Variants in PRKD1 observed in about 807,000 individuals in gnomAD.
PRKD1 encodes the protein serine/threonine-protein kinase D1.
PRKD1 carries 63 observed loss-of-function variants against 95.9 expected under a neutral mutation model. The ratio of observed to expected loss-of-function variants is 0.66; its 90% CI spans 0.54 to 0.81. The LOEUF is 0.81. PRKD1 is among the 30% of genes least tolerant of loss of function. PRKD1 has a pLI of 0.00. For missense variants in PRKD1, 1,048 were observed against 1,165.3 expected, an observed-to-expected ratio of 0.90 and a Z score of 1.47; for synonymous variants, 425 against 423.1, an observed-to-expected ratio of 1.00 and a Z score of -0.05.
intron 11 of PRKD1, among the ~76,000 whole-genome samples, chr14:29,628,496 G>A (rs1879773842): frequency 1.3e-5 from 2 of 152,150 alleles, no homozygotes; most frequent in South Asian, 4.1e-4. Context: ...AAACTGAGCT[G>A]CAAGGATGGA....
intron 2 of PRKD1, among the ~76,000 whole-genome samples, chr14:29,708,406 A>G (rs1485777264): frequency 6.6e-6 from 1 of 152,238 alleles, no homozygotes; most frequent in Non-Finnish European, 1.5e-5. Context: ...ATAGGTATTA[A>G]GTGCATAAGC....
At position 29,610,872 on chromosome 14, in the gene PRKD1, T is replaced by C. The variant is rs145679674; in HGVS notation, c.1906-11055A>G. Among the ~76,000 whole-genome samples the C allele has an allele frequency of 2.0e-3, 297 of 152,284 alleles. 1 individual carries two copies. The highest frequency in any genetic ancestry group is 5.3e-3 in the African/African-American group (220 of 41,570). ...AAAAAACTTGGGGGAAACTTAAATG[T>C]ACATTACTAAGTGAAAGAAAGCAAC... On this transcript the variant is annotated intron_variant, in intron 13 of 17. Coordinates refer to ENST00000331968, the MANE Select transcript of PRKD1 (RefSeq NM_002742.3).
chr14:29,849,593 A>T (rs545875319), intron 1 of PRKD1, among the ~76,000 whole-genome samples: 1 of 151,938 alleles, frequency 6.6e-6, no homozygotes, highest in African/African-American at 2.4e-5. Flanking sequence ...AAAAACTACC[A>T]ATCAGAAAAC....
chr14:29,608,467 AG>A (rs1381292881), intron 13 of PRKD1, among the ~76,000 whole-genome samples: 1 of 152,178 alleles, frequency 6.6e-6, no homozygotes, highest in African/African-American at 2.4e-5. Context: ...GATGAATGAA[AG>A]GGAATGGGAA....
intron 1 of PRKD1, among the ~76,000 whole-genome samples, chr14:29,844,825 G>A (rs750315830): frequency 2.6e-5 from 4 of 152,086 alleles, no homozygotes; most frequent in Non-Finnish European, 5.9e-5. Flanking sequence ...TACTCATTCT[G>A]CCACCATGGT....
At chr14:29,708,582 G>A (rs1885194172) in intron 2 of PRKD1, among the ~76,000 whole-genome samples, 1 of 152,138 alleles carries the variant, frequency 6.6e-6, no homozygotes, top group African/African-American at 2.4e-5. Context: ...TCTTTAGGCT[G>A]GGCGCACTGG....
intron 1 of PRKD1, among the ~76,000 whole-genome samples, chr14:29,752,173 T>C (rs980862602): frequency 2.6e-5 from 4 of 152,208 alleles, no homozygotes; most frequent in African/African-American, 9.6e-5. Context: ...CTATACAGAA[T>C]TTACAATAAA....
At chr14:29,747,465 C>G (rs912846766) in intron 1 of PRKD1, among the ~76,000 whole-genome samples, 4 of 152,086 alleles carry the variant, frequency 2.6e-5, no homozygotes, top group Non-Finnish European at 5.9e-5. Context: ...CTCAAAAGAA[C>G]TAAAGACAGG....
At chr14:29,851,905 A>T (rs1264655060) in intron 1 of PRKD1, among the ~76,000 whole-genome samples, 1 of 152,168 alleles carries the variant, frequency 6.6e-6, no homozygotes, top group Non-Finnish European at 1.5e-5. Flanking sequence ...CAGCCATAAA[A>T]AAGAACAAAA....
At chr14:29,758,894 C>T (rs1887836910) in intron 1 of PRKD1, among the ~76,000 whole-genome samples, 1 of 152,188 alleles carries the variant, frequency 6.6e-6, no homozygotes, top group African/African-American at 2.4e-5. Flanking sequence ...AGTTATTTTC[C>T]ATACTGCAAA....
intron 1 of PRKD1, among the ~76,000 whole-genome samples, chr14:29,817,784 C>T (rs1890750717): frequency 6.6e-6 from 1 of 152,082 alleles, no homozygotes; most frequent in Non-Finnish European, 1.5e-5. Flanking sequence ...CCTAATTCTT[C>T]TTATAAATTC....
intron 4 of PRKD1, among the ~76,000 whole-genome samples, chr14:29,660,248 C>T (rs188282073): frequency 2.6e-4 from 40 of 152,270 alleles, no homozygotes; most frequent in African/African-American, 7.2e-4. Context: ...TCTATTTCAT[C>T]GGTTAATTTT....
chr14:29,858,038 G>A (rs1460379845), intron 1 of PRKD1, among the ~76,000 whole-genome samples: 3 of 152,162 alleles, frequency 2.0e-5, no homozygotes, highest in Admixed American at 6.5e-5. Flanking sequence ...TTTTTTGTAT[G>A]AGAAAACTAG....
chr14:29,805,625 T>A (rs550349433), intron 1 of PRKD1, among the ~76,000 whole-genome samples: 1 of 152,196 alleles, frequency 6.6e-6, no homozygotes, highest in African/African-American at 2.4e-5. Flanking sequence ...AGCATCTCTA[T>A]GAGGTGGGAA....
intron 2 of PRKD1, among the ~76,000 whole-genome samples, chr14:29,721,823 C>T (rs1247670602): frequency 6.6e-6 from 1 of 151,978 alleles, no homozygotes; most frequent in Non-Finnish European, 1.5e-5. Context: ...TTTTTTTCCT[C>T]AATAACCCAA....
chr14:29,798,809 T>C (rs1355550979), intron 1 of PRKD1, among the ~76,000 whole-genome samples: 1 of 152,242 alleles, frequency 6.6e-6, no homozygotes, highest in African/African-American at 2.4e-5. Flanking sequence ...AATGAGCTAT[T>C]GGAGGAAATC....
At chr14:29,839,095 A>C (rs2139311956) in intron 1 of PRKD1, among the ~76,000 whole-genome samples, 1 of 152,060 alleles carries the variant, frequency 6.6e-6, no homozygotes, top group Middle Eastern at 3.4e-3. Flanking sequence ...CAATAAACGA[A>C]AAAAAAAATT....
intron 4 of PRKD1, among the ~76,000 whole-genome samples, chr14:29,647,783 TA>T (rs1217250298): frequency 1.3e-5 from 2 of 152,060 alleles, no homozygotes; most frequent in South Asian, 4.1e-4. Flanking sequence ...AGAGACCAAA[TA>T]GGGGTGCAGG....
intron 10 of PRKD1, among the ~76,000 whole-genome samples, chr14:29,629,985 C>T (rs1879875220): frequency 2.1e-5 from 2 of 95,102 alleles, no homozygotes; most frequent in Non-Finnish European, 5.3e-5. Flanking sequence ...CCTCTTCCTC[C>T]TCCTCTTCTT....
Sources: allele counts gnomAD v4.1 joint callset (sites outside exome capture counted in the v4.1 genomes callset), GRCh38; gene constraint gnomAD v4.1.1; transcripts MANE v1.5; gene names NCBI Gene and HGNC (gene_info 2026-07-23, HGNC 2026-07-21).